Variants in ERCC6L2 observed in about 807,000 individuals in gnomAD.
The protein encoded by ERCC6L2 is DNA excision repair protein ERCC-6-like 2.
In ERCC6L2, 77 loss-of-function variants were observed where a neutral mutation model predicts 132.0. The observed-to-expected ratio is 0.58, with a 90% CI of 0.49 to 0.71. ERCC6L2 has a LOEUF of 0.71. Ranked by LOEUF, ERCC6L2 falls within the 30% of genes least tolerant of loss-of-function variation. The probability of loss-of-function intolerance (pLI) is 0.00; values close to 1 mark genes in which losing one functional copy is unlikely to be tolerated. For synonymous variants in ERCC6L2, 583 were observed against 632.4 expected (o/e 0.92, Z 1.17); for missense variants, 1,542 against 1,837.6 (o/e 0.84, Z 2.94).
chr9:96,006,499 GC>G (rs1833868080), intron 18 of ERCC6L2, among the ~76,000 whole-genome samples: 1 of 152,208 alleles, frequency 6.6e-6, no homozygotes, highest in South Asian at 2.1e-4. Flanking sequence ...CAGTGCGCGC[GC>G]CCTGGCGGGA....
chr9:96,018,456 T>C (rs1834228446), downstream of ERCC6L2, among the ~76,000 whole-genome samples: 1 of 147,002 alleles, frequency 6.8e-6, no homozygotes, highest in Non-Finnish European at 1.5e-5. Context: ...AATTCACACA[T>C]AGCATTGTTT....
At chr9:95,908,339 C>A (rs689710) in intron 4 of ERCC6L2, among the ~76,000 whole-genome samples, 5 of 151,828 alleles carry the variant, frequency 3.3e-5, no homozygotes, top group Non-Finnish European at 5.9e-5. Context: ...GAGAAAGAGA[C>A]ACCAAGGACA....
chr9:95,962,202 A>G (rs1831936857), intron 13 of ERCC6L2, among the ~76,000 whole-genome samples: 1 of 152,176 alleles, frequency 6.6e-6, no homozygotes, highest in South Asian at 2.1e-4. Flanking sequence ...GACCATTTGC[A>G]TTGTATATTC....
chr9:96,019,337 C>G (rs1474064473), downstream of ERCC6L2, among the ~76,000 whole-genome samples: 11 of 151,964 alleles, frequency 7.2e-5, no homozygotes, highest in Admixed American at 6.5e-4. Context: ...TATGAGAAGC[C>G]CCCAGCCCCC....
At chr9:95,892,309 T>A (rs1264994255) in intron 2 of ERCC6L2, among the ~76,000 whole-genome samples, 1 of 152,062 alleles carries the variant, frequency 6.6e-6, no homozygotes, top group Admixed American at 6.5e-5. Context: ...GATTTTTGGG[T>A]TGTTGCCTAT....
chr9:95,923,186 A>G lies in ERCC6L2; in HGVS notation c.1414-74A>G, dbSNP rs1829951796. 1.7e-5 allele frequency: 25 copies of G among 1,504,576 alleles called. No homozygotes were observed. The South Asian group carries it at 2.6e-4, about 16-fold the overall frequency. 93.2% of individuals were successfully genotyped at this position (1,504,576 alleles called of 1,614,324 possible). ...ATTCTTTCTAAAAAGAATTTTTTTC[A>G]TAAATTATTTCAATTTATACAGGTT... On this transcript the variant is annotated intron_variant, in intron 8 of 18. Transcript: ENST00000653738.
intron 3 of ERCC6L2, among the ~76,000 whole-genome samples, chr9:95,904,320 C>T (rs555458428): frequency 2.0e-5 from 3 of 152,080 alleles, no homozygotes; most frequent in Admixed American, 1.3e-4. Context: ...ATTATTATTC[C>T]GAACTTAGCA....
At chr9:95,897,141 A>G (rs1237447981) in intron 2 of ERCC6L2, among the ~76,000 whole-genome samples, 1 of 152,118 alleles carries the variant, frequency 6.6e-6, no homozygotes, top group East Asian at 1.9e-4. Flanking sequence ...CCCAATCTTT[A>G]AAACAACCTT....
chr9:95,944,424 A>G (rs1187611343), intron 12 of ERCC6L2, among the ~76,000 whole-genome samples: 3 of 152,190 alleles, frequency 2.0e-5, no homozygotes, highest in African/African-American at 7.2e-5. Context: ...AGGATAATAA[A>G]AAAGTTGTAG....
intron 17 of ERCC6L2, among the ~76,000 whole-genome samples, chr9:95,996,668 A>G (rs996246159): frequency 1.3e-5 from 2 of 152,170 alleles, no homozygotes; most frequent in African/African-American, 4.8e-5. Context: ...AATCTATTCC[A>G]CTTGTGCTCC....
At chr9:95,888,919 A>G (rs1267442286) in intron 2 of ERCC6L2, among the ~76,000 whole-genome samples, 3 of 152,168 alleles carry the variant, frequency 2.0e-5, no homozygotes, top group African/African-American at 7.2e-5. Flanking sequence ...ATATATAGCT[A>G]AGAGTTTGTT....
In ERCC6L2 at chr9:96,014,929, C is replaced by T. The variant is rs912507641; in HGVS notation, c.*1726C>T. 2.7e-5 allele frequency among the ~76,000 whole-genome samples: 4 copies of T among 148,888 alleles called. No individual in the cohort carries two copies. The highest frequency in any genetic ancestry group is 9.9e-5 in the African/African-American group (4 of 40,412). ...ATACCACTTCATTTCAGTTTATATACAAGACAATGTAGTTCAAACATTTTA... is the reference window on the plus strand; with the variant it reads ...ATACCACTTCATTTCAGTTTATATATAAGACAATGTAGTTCAAACATTTTA... On this transcript the variant is annotated 3_prime_UTR_variant, in exon 19 of 19. Coordinates refer to ENST00000653738, the MANE Select transcript of ERCC6L2 (RefSeq NM_020207.7).
intron 13 of ERCC6L2, among the ~76,000 whole-genome samples, chr9:95,960,303 G>A (rs529525495): frequency 4.2e-4 from 64 of 152,170 alleles, no homozygotes; most frequent in African/African-American, 1.5e-3. Flanking sequence ...AACAGTTTAG[G>A]AAAATAAACA....
intron 17 of ERCC6L2, among the ~76,000 whole-genome samples, chr9:95,980,917 T>C (rs149207867): frequency 2.7e-3 from 417 of 152,288 alleles, no homozygotes; most frequent in African/African-American, 9.8e-3. Flanking sequence ...ATCTAGAATC[T>C]TTTCGGTTCC....
At chr9:95,946,920 A>G (rs535500285) in intron 12 of ERCC6L2, among the ~76,000 whole-genome samples, 2 of 152,224 alleles carry the variant, frequency 1.3e-5, no homozygotes, top group Admixed American at 6.5e-5. Context: ...TAATTGGTAG[A>G]TGTGTGTGTT....
intron 15 of ERCC6L2, 95 bp downstream of exon 15, chr9:95,970,751 T>A (rs1587999847): frequency 7.0e-6 from 5 of 715,654 alleles, no homozygotes; most frequent in Non-Finnish European, 7.5e-6. Context: ...TTATAACCTG[T>A]AAAAAAAAAA....
chr9:96,037,375 G>A (rs932392123), intron 19 of ERCC6L2, among the ~76,000 whole-genome samples: 2 of 152,374 alleles, frequency 1.3e-5, no homozygotes, highest in East Asian at 1.9e-4. Flanking sequence ...CAGAGAGGCC[G>A]GGGGCCTTGC....
intron 10 of ERCC6L2, 145 bp from the exon 11 acceptor site, chr9:95,928,574 T>C: frequency 8.7e-6 from 6 of 693,366 alleles, no homozygotes; most frequent in Non-Finnish European, 1.3e-5. Flanking sequence ...GGGTCAGAAG[T>C]GAGAAAAATA....
In ERCC6L2 at chr9:96,013,197, C is replaced by T; in HGVS notation, c.4647C>T (p.Thr1549=). ...TDENATNTQS[T]T ...AAAACGCAACCAATACACAGAGTAC[C>T]ACATAAGCATATAAATGAATTACTG... is the stretch of plus-strand genomic sequence containing the variant. Residue 1549 remains threonine, a synonymous_variant, in exon 19 of 19, where the codon ACC becomes ACT. Coordinates refer to ENST00000653738, the MANE Select transcript of ERCC6L2 (RefSeq NM_020207.7). The T allele has an allele frequency of 7.4e-7, 1 of 1,353,218 alleles. No homozygotes were observed. Among genetic ancestry groups the T allele is most frequent in the Non-Finnish European group, 9.8e-7 (1 of 1,016,688 alleles). 83.8% of individuals were successfully genotyped at this position (1,353,218 alleles called of 1,614,324 possible). A position where few individuals can be genotyped will look rare whatever the true frequency, so the allele number is the denominator to read the frequency against.
Sources: allele counts gnomAD v4.1 joint callset (sites outside exome capture counted in the v4.1 genomes callset), GRCh38; gene constraint gnomAD v4.1.1; transcripts MANE v1.5; gene names NCBI Gene and HGNC (gene_info 2026-07-23, HGNC 2026-07-21).